FSTL5: variants seen among roughly 807,000 people sequenced by gnomAD.
FSTL5 encodes the protein follistatin-related protein 5.
Under a neutral mutation model 89.1 loss-of-function variants are expected in FSTL5, and 62 were observed. The observed-to-expected ratio is 0.70, with a 90% CI of 0.57 to 0.86. The LOEUF (loss-of-function observed/expected upper bound fraction) is 0.86, where lower values mean the gene tolerates loss of function less well. Ranked by LOEUF, FSTL5 falls within the 40% of genes least tolerant of loss-of-function variation. The pLI is 0.00. For synonymous variants in FSTL5, 383 were observed against 346.2 expected (o/e 1.11, Z -1.18); for missense variants, 1,057 against 1,001.6 (o/e 1.06, Z -0.75).
At chr4:161,561,631 A>G (rs1732605597) in intron 8 of FSTL5, among the ~76,000 whole-genome samples, 1 of 152,004 alleles carries the variant, frequency 6.6e-6, no homozygotes. Flanking sequence ...AAAAAACTGA[A>G]CAATAATAAC....
chr4:161,496,050 T>C (rs1730058774), intron 12 of FSTL5, among the ~76,000 whole-genome samples: 1 of 152,122 alleles, frequency 6.6e-6, no homozygotes, highest in East Asian at 1.9e-4. Flanking sequence ...GAAAGAAGAA[T>C]ACTGTTTCAT....
At chr4:162,019,504 A>G (rs1019321575) in intron 3 of FSTL5, among the ~76,000 whole-genome samples, 23 of 152,058 alleles carry the variant, frequency 1.5e-4, no homozygotes, top group Non-Finnish European at 2.2e-4. Flanking sequence ...AATTTTGATT[A>G]AAAAATGTAT....
intron 15 of FSTL5, among the ~76,000 whole-genome samples, chr4:161,434,967 G>A (rs1732506602): frequency 6.6e-6 from 1 of 152,078 alleles, no homozygotes; most frequent in South Asian, 2.1e-4. Context: ...CTTCTAGACA[G>A]GTAGTGGCAA....
chr4:161,630,109 C>G (rs1266772461), intron 7 of FSTL5, among the ~76,000 whole-genome samples: 1 of 152,300 alleles, frequency 6.6e-6, no homozygotes, highest in Non-Finnish European at 1.5e-5. Flanking sequence ...CTAGCCCTTA[C>G]TCCTTCTTCC....
intron 8 of FSTL5, among the ~76,000 whole-genome samples, chr4:161,567,585 G>A (rs1396526055): frequency 6.6e-6 from 1 of 152,024 alleles, no homozygotes; most frequent in Admixed American, 6.6e-5. Context: ...ACCATATCAT[G>A]CTAATTTAAA....
chr4:162,009,232 C>T lies in FSTL5; in HGVS notation c.160+24393G>A, dbSNP rs553831750. On this transcript the variant is annotated intron_variant, in intron 3 of 15. Coordinates refer to ENST00000306100, the MANE Select transcript of FSTL5 (RefSeq NM_020116.5). The stretch of plus-strand genomic sequence containing the variant: ...GAAATAAATGGAAAATGTACTAGTG[C>T]CCCAGTATAATTGTTAGCAGCAGCA... Among the ~76,000 whole-genome samples the T allele has an allele frequency of 2.6e-5, 4 of 152,090 alleles. No homozygotes were observed. The South Asian group carries it at 8.3e-4, about 32-fold the overall frequency.
chr4:161,681,555 C>T (rs1421382355), intron 6 of FSTL5, among the ~76,000 whole-genome samples: 7 of 151,816 alleles, frequency 4.6e-5, no homozygotes, highest in Admixed American at 4.6e-4. Context: ...ATAGCCCTGG[C>T]AATAAGCAGG....
chr4:162,095,285 A>T (rs1280616034), intron 2 of FSTL5, among the ~76,000 whole-genome samples: 1 of 152,120 alleles, frequency 6.6e-6, no homozygotes, highest in Non-Finnish European at 1.5e-5. Flanking sequence ...GTTTCCCAGA[A>T]TATAAGAAGG....
At chr4:161,604,184 A>C (rs1252178224) in intron 7 of FSTL5, among the ~76,000 whole-genome samples, 1 of 152,114 alleles carries the variant, frequency 6.6e-6, no homozygotes, top group African/African-American at 2.4e-5. Context: ...GGTTGATTTT[A>C]ATATTCAGTT....
chr4:161,971,525 A>C (rs1735482871), intron 3 of FSTL5, among the ~76,000 whole-genome samples: 1 of 152,172 alleles, frequency 6.6e-6, no homozygotes, highest in Non-Finnish European at 1.5e-5. Flanking sequence ...CTTCTGAAGA[A>C]GTAGATCTAT....
chr4:161,413,273 AAAAAAAAAAAT>A (rs1343257990), intron 15 of FSTL5, among the ~76,000 whole-genome samples: 20,960 of 55,658 alleles, frequency 0.38, 3,830 homozygotes, highest in East Asian at 0.58. Flanking sequence ...AAAAAAAAAA[AAAAAAAAAAAT>A]AAAGACACAC....
intron 2 of FSTL5, among the ~76,000 whole-genome samples, chr4:162,093,103 C>G (rs1730614370): frequency 1.3e-5 from 2 of 151,764 alleles, no homozygotes; most frequent in Non-Finnish European, 2.9e-5. Context: ...AAGAAAAGTA[C>G]AGGACCAAGT....
At chr4:161,976,588 T>C (rs1033738369) in intron 3 of FSTL5, among the ~76,000 whole-genome samples, 1 of 152,064 alleles carries the variant, frequency 6.6e-6, no homozygotes, top group African/African-American at 2.4e-5. Context: ...TTCACGCCAT[T>C]CTCCCGCCTC....
chr4:161,688,926 C>T (rs1579022671), intron 6 of FSTL5, among the ~76,000 whole-genome samples: 1 of 152,090 alleles, frequency 6.6e-6, no homozygotes, highest in Admixed American at 6.6e-5. Context: ...TTTTTCTGCC[C>T]TTGTTTCTTA....
Position 161,405,117 on chromosome 4 carries a change from C to T in FSTL5, c.1842-18668G>A, listed in dbSNP as rs944872575. Among the ~76,000 whole-genome samples the T allele has an allele frequency of 4.6e-5, 7 of 151,766 alleles. No homozygotes were observed. The East Asian group carries it at 7.8e-4, about 17-fold the overall frequency. On this transcript the variant is annotated intron_variant, in intron 15 of 15. Coordinates refer to ENST00000306100, the MANE Select transcript of FSTL5 (RefSeq NM_020116.5). ...GTATGGTGGTGGGCACCTGTAATCCCAACTACTTGGGAGGCTGAGGCAGGA... is the reference window on the plus strand; with the variant it reads ...GTATGGTGGTGGGCACCTGTAATCCTAACTACTTGGGAGGCTGAGGCAGGA...
chr4:161,655,391 C>T (rs1016913576), intron 7 of FSTL5, among the ~76,000 whole-genome samples: 1 of 151,900 alleles, frequency 6.6e-6, no homozygotes, highest in African/African-American at 2.4e-5. Context: ...CCTATTGGTC[C>T]AGTGAACACA....
chr4:161,831,939 C>T (rs963517680), intron 4 of FSTL5, among the ~76,000 whole-genome samples: 1 of 151,760 alleles, frequency 6.6e-6, no homozygotes, highest in South Asian at 2.1e-4. Flanking sequence ...GCTTTTTAAC[C>T]TTATTAAGTG....
chr4:161,656,391 T>G lies in FSTL5; in HGVS notation c.831A>C (p.Arg277Ser). The change falls in exon 7 of 16, where the codon AGA (arginine) becomes AGC (serine). Residue 277 changes from arginine (R) to serine (S), a missense_variant. Arg to Ser is a moderately radical substitution (Grantham distance 110). Transcript: ENST00000306100. ...VLSCAIQGTL[R>S]PPIIWKRNNI... The stretch of plus-strand genomic sequence containing the variant: ...TGTTCCTTTTCCAGATAATGGGAGG[T>G]CTCAGGGTTCCTTGAATGGCACAGC... The G allele has an allele frequency of 6.2e-7, 1 of 1,608,822 alleles. No individual in the cohort carries two copies. Among genetic ancestry groups the G allele is most frequent in the Non-Finnish European group, 8.5e-7 (1 of 1,175,990 alleles).
At chr4:161,746,605 A>C (rs1330208222) in intron 6 of FSTL5, among the ~76,000 whole-genome samples, 1 of 152,146 alleles carries the variant, frequency 6.6e-6, no homozygotes, top group Non-Finnish European at 1.5e-5. Context: ...AAATGAAATC[A>C]TTGACCCCAA....
Sources: gnomAD v4.1 joint callset for allele counts (sites outside exome capture counted in the v4.1 genomes callset) on GRCh38, gnomAD v4.1.1 for gene constraint, MANE v1.5 for transcripts, NCBI Gene and HGNC (gene_info 2026-07-23, HGNC 2026-07-21) for gene names.